The following AP4E1 variants were observed in gnomAD, a reference collection of about 807,000 sequenced individuals.
AP4E1 encodes AP-4 complex subunit epsilon-1.
AP4E1 carries 56 observed loss-of-function variants against 128.2 expected under a neutral mutation model. The observed-to-expected ratio is 0.44, with a 90% CI of 0.35 to 0.55. AP4E1 has a LOEUF of 0.55. AP4E1 is among the 20% of genes least tolerant of loss of function. The pLI is 0.00. For synonymous variants in AP4E1, 484 were observed against 473.1 expected, an observed-to-expected ratio of 1.02 and a Z score of -0.30; for missense variants, 1,324 against 1,307.7, an observed-to-expected ratio of 1.01 and a Z score of -0.19.
intron 3 of AP4E1, among the ~76,000 whole-genome samples, chr15:50,920,003 G>A (rs1450492906): frequency 1.3e-5 from 2 of 150,988 alleles, no homozygotes; most frequent in African/African-American, 4.9e-5. Context: ...CTTGAACCTG[G>A]GAGGCGGAGA....
chr15:50,929,424 G>A (rs1027281419), intron 6 of AP4E1, among the ~76,000 whole-genome samples: 34 of 150,526 alleles, frequency 2.3e-4, no homozygotes, highest in African/African-American at 8.2e-4. Context: ...TCAGTGGAAG[G>A]TGTCTTAAGT....
At chr15:50,988,602 A>G (rs2064762440) in intron 16 of AP4E1, among the ~76,000 whole-genome samples, 1 of 152,202 alleles carries the variant, frequency 6.6e-6, no homozygotes, top group Non-Finnish European at 1.5e-5. Context: ...AGTATGAGCC[A>G]CCGTGCCCAG....
chr15:51,000,985 A>T, intron 19 of AP4E1, 41 bp from the exon 20 acceptor site: 1 of 1,473,168 alleles, frequency 6.8e-7, no homozygotes, highest in Non-Finnish European at 9.5e-7. Flanking sequence ...GAATCATTTC[A>T]CTGTTTTTGA....
At chr15:50,909,684 A>T (rs904747781) in intron 1 of AP4E1, among the ~76,000 whole-genome samples, 4 of 151,248 alleles carry the variant, frequency 2.6e-5, no homozygotes, top group Admixed American at 2.0e-4. Context: ...GGTTTTAAAA[A>T]TTTTAATTTT....
chr15:51,002,422 G>A lies in AP4E1; in HGVS notation c.3254-80G>A, dbSNP rs181322660. On this transcript the variant is annotated intron_variant, in intron 20 of 20. Transcript: ENST00000261842. The stretch of plus-strand genomic sequence containing the variant: ...TGAGTATCTTTTCATGTGCTTATTA[G>A]CCATTTGTGTATCTTCTTGGAGAAA... 144 of 1,467,012 alleles carry A rather than the reference G, an allele frequency of 9.8e-5. No homozygotes were observed. In the Admixed American group the frequency reaches 2.4e-3, roughly 24 times the overall value. 90.9% of individuals were successfully genotyped at this position (1,467,012 alleles called of 1,614,324 possible). A position where few individuals can be genotyped will look rare whatever the true frequency, so the allele number is the denominator to read the frequency against.
At chr15:50,961,992 TA>T (rs2064321342) in intron 14 of AP4E1, among the ~76,000 whole-genome samples, 1 of 150,510 alleles carries the variant, frequency 6.6e-6, no homozygotes, top group African/African-American at 2.5e-5. Flanking sequence ...TAATGCCATT[TA>T]CAACAGCTAC....
chr15:50,973,197 C>A (rs1412282315), intron 15 of AP4E1, among the ~76,000 whole-genome samples: 2 of 151,824 alleles, frequency 1.3e-5, no homozygotes, highest in Non-Finnish European at 1.5e-5. Flanking sequence ...AAAGGTTTTT[C>A]TTTTTTTTCC....
chr15:50,954,135 T>A (rs28728268), intron 13 of AP4E1, among the ~76,000 whole-genome samples: 72 of 152,318 alleles, frequency 4.7e-4, no homozygotes, highest in African/African-American at 1.7e-3. Flanking sequence ...ACTTAATAGT[T>A]CTAGGAGTGT....
chr15:50,977,470 G>T (rs986472361), intron 15 of AP4E1, among the ~76,000 whole-genome samples: 2 of 152,070 alleles, frequency 1.3e-5, no homozygotes, highest in African/African-American at 4.8e-5. Context: ...TCCCAAATCT[G>T]TGTGCTTCAA....
chr15:50,941,171 C>T (rs1243511585), intron 8 of AP4E1, among the ~76,000 whole-genome samples: 1 of 152,054 alleles, frequency 6.6e-6, no homozygotes, highest in Non-Finnish European at 1.5e-5. Context: ...CCATGCCTGG[C>T]ACATGGGAGG....
chr15:50,953,702 A>C (rs539542679), intron 13 of AP4E1, among the ~76,000 whole-genome samples: 3 of 152,370 alleles, frequency 2.0e-5, no homozygotes, highest in Admixed American at 2.0e-4. Flanking sequence ...TGGATATGCC[A>C]AAGAGAAGCT....
intron 8 of AP4E1, among the ~76,000 whole-genome samples, chr15:50,938,573 G>A (rs1053948391): frequency 1.3e-5 from 2 of 152,134 alleles, no homozygotes; most frequent in African/African-American, 4.8e-5. Flanking sequence ...GGTGACTTGG[G>A]AAGTCTGGAT....
chr15:50,999,244 C>A lies in AP4E1; in HGVS notation c.3077C>A (p.Ser1026Ter). Residue 1026 changes from serine to a stop codon, truncating the protein, a stop_gained, in exon 19 of 21, where the codon TCA becomes TAA. Coordinates refer to ENST00000261842, the MANE Select transcript of AP4E1 (RefSeq NM_007347.5). LOFTEE classifies it high-confidence loss of function. ...CAGCTGGAATTTTCTGTAAACTTAT[C>A]ACTATTAGATTTCATTAGGTAAATG... Reference protein sequence around the residue: ...SAQLEFSVNLSLLDFIRPLKI... With the variant: ...SAQLEFSVNL 6.2e-7 allele frequency: 1 copy of A among 1,611,302 alleles called. No homozygotes were observed. The highest frequency in any genetic ancestry group is 8.5e-7 in the Non-Finnish European group (1 of 1,178,568).
chr15:50,940,231 C>G (rs918834556), intron 8 of AP4E1, among the ~76,000 whole-genome samples: 3 of 152,172 alleles, frequency 2.0e-5, no homozygotes, highest in African/African-American at 7.2e-5. Flanking sequence ...TACAAAGTCT[C>G]TTTAGGTTCA....
Position 51,003,493 on chromosome 15 carries a change from G to A in AP4E1, c.*831G>A, listed in dbSNP as rs1274984585. On this transcript the variant is annotated 3_prime_UTR_variant, in exon 21 of 21. Coordinates refer to ENST00000261842, the MANE Select transcript of AP4E1 (RefSeq NM_007347.5). ...TACTACTTAGGTCCTTTTGGCAAAT[G>A]AAAATTTGTGATTAGAGTATAAATG... 6.6e-6 allele frequency: 1 copy of A among 152,230 alleles called. No individual in the cohort carries two copies. Among genetic ancestry groups the A allele is most frequent in the African/African-American group, 2.4e-5 (1 of 41,436 alleles). 9.4% of individuals were successfully genotyped at this position (152,230 alleles called of 1,614,324 possible).
chr15:51,003,351 T>C lies in AP4E1; in HGVS notation c.*689T>C, dbSNP rs549278721. On this transcript the variant is annotated 3_prime_UTR_variant, in exon 21 of 21. Coordinates refer to ENST00000261842, the MANE Select transcript of AP4E1 (RefSeq NM_007347.5). ...TAAAATTCAAAGTAAATCACTCTAT[T>C]CTTATTTTGAAAACTCAGAGCCATT... 6.5e-6 allele frequency: 1 copy of C among 152,758 alleles called. No homozygotes were observed. The highest frequency in any genetic ancestry group is 1.9e-4 in the East Asian group (1 of 5,194). 9.5% of individuals were successfully genotyped at this position (152,758 alleles called of 1,614,324 possible).
intron 16 of AP4E1, 69 bp downstream of exon 16, chr15:50,984,214 T>G: frequency 6.4e-7 from 1 of 1,565,210 alleles, no homozygotes. Context: ...TCCATTTGCC[T>G]TCTGCTCCTG....
chr15:50,993,265 G>A (rs2064826760), intron 16 of AP4E1, 105 bp from the exon 17 acceptor site: 1 of 1,227,314 alleles, frequency 8.1e-7, no homozygotes, highest in African/African-American at 1.5e-5. Context: ...TGTGACAGTT[G>A]TTTTTAAAAG....
intron 3 of AP4E1, among the ~76,000 whole-genome samples, chr15:50,922,880 C>A (rs142506059): frequency 0.17 from 25,283 of 151,646 alleles, 2,343 homozygotes; most frequent in Admixed American, 0.27. Context: ...TGGGTTCATG[C>A]CATTCTCCTG....
Sources: allele counts gnomAD v4.1 joint callset (sites outside exome capture counted in the v4.1 genomes callset), GRCh38; gene constraint gnomAD v4.1.1; transcripts MANE v1.5; gene names NCBI Gene and HGNC (gene_info 2026-07-23, HGNC 2026-07-21).